NTN1: variants seen among roughly 807,000 people sequenced by gnomAD.
NTN1 encodes the protein netrin 1, also known as netrin-1.
A neutral mutation model predicts 54.2 loss-of-function variants in NTN1; 11 were observed. The ratio of observed to expected loss-of-function variants is 0.20; its 90% CI spans 0.13 to 0.34. The LOEUF is 0.34. NTN1 is among the 10% of genes least tolerant of loss of function. The pLI is 1.00. For missense variants in NTN1, 740 were observed against 893.1 expected (o/e 0.83, Z 2.18); for synonymous variants, 371 against 382.0 (o/e 0.97, Z 0.33).
chr17:9,011,103 T>C, the NTN1 span, among the ~76,000 whole-genome samples: 1 of 152,182 alleles, frequency 6.6e-6, no homozygotes, highest in Non-Finnish European at 1.5e-5. Flanking sequence ...TGTGAGAATC[T>C]AACGCAGCTG....
In NTN1 at chr17:9,240,730, TCTGCCC is replaced by T. The variant is rs3031879; in HGVS notation, c.*781_*786del. 28,033 of 153,514 alleles carry T rather than the reference TCTGCCC, an allele frequency of 0.18. 4,044 individuals carry two copies. The highest frequency in any genetic ancestry group is 0.5 in the East Asian group (2,543 of 5,100). The allele number at this position is 153,514 out of a possible 1,614,324, so 9.5% of individuals were successfully genotyped here. A position where few individuals can be genotyped will look rare whatever the true frequency, so the allele number is the denominator to read the frequency against. On this transcript the variant is annotated 3_prime_UTR_variant, in exon 7 of 7. Transcript: ENST00000173229. ...GAGGAAGCCCCTGCTGCTGCCTGTC[TCTGCCC>T]CTGCCCCTGCCCCTGCCCAGCGTGG...
chr17:9,121,406 C>T (rs901894673), intron 2 of NTN1, among the ~76,000 whole-genome samples: 1 of 152,086 alleles, frequency 6.6e-6, no homozygotes, highest in African/African-American at 2.4e-5. Context: ...TCTCCTCCCC[C>T]ATCTTCTCTG....
upstream of NTN1, among the ~76,000 whole-genome samples, chr17:9,017,561 C>T (rs574497880): frequency 3.3e-5 from 5 of 152,322 alleles, no homozygotes; most frequent in East Asian, 7.7e-4. Flanking sequence ...TTGAAACTGC[C>T]GCATTCTCCC....
intron 2 of NTN1, among the ~76,000 whole-genome samples, chr17:9,125,877 T>G (rs1418128925): frequency 1.3e-5 from 2 of 152,256 alleles, no homozygotes; most frequent in Non-Finnish European, 2.9e-5. Flanking sequence ...CATCACTTAC[T>G]GTGCTGGGCT....
intron 5 of NTN1, among the ~76,000 whole-genome samples, chr17:9,203,070 G>GCCACC (rs1567737595): frequency 3.9e-5 from 6 of 152,028 alleles, no homozygotes; most frequent in Admixed American, 2.0e-4. Context: ...TACAGGCGCT[G>GCCACC]GCCACCAAGC....
intron 6 of NTN1, among the ~76,000 whole-genome samples, chr17:9,234,159 G>C (rs1056866627): frequency 1.3e-5 from 2 of 152,228 alleles, no homozygotes; most frequent in African/African-American, 4.8e-5. Flanking sequence ...TGCCCCTGTA[G>C]GCAGGGCGGC....
rs191135329 is a variant in NTN1 at position 9,041,649 on chromosome 17, A to G, written c.1018+18258A>G. ...AATGCTGCTATGAGCATTGGTTTACAGGTTTTTGTGTGGACATCTGCTTTC... is the reference window on the plus strand; with the variant it reads ...AATGCTGCTATGAGCATTGGTTTACGGGTTTTTGTGTGGACATCTGCTTTC... On this transcript the variant is annotated intron_variant, in intron 2 of 6. Transcript: ENST00000173229. 2.2e-3 allele frequency among the ~76,000 whole-genome samples: 340 copies of G among 152,234 alleles called. 3 individuals carry two copies. Among genetic ancestry groups the G allele is most frequent in the African/African-American group, 7.7e-3 (319 of 41,528 alleles).
At chr17:9,186,979 T>C (rs1461794969) in intron 5 of NTN1, among the ~76,000 whole-genome samples, 1 of 152,172 alleles carries the variant, frequency 6.6e-6, no homozygotes, top group Admixed American at 6.5e-5. Flanking sequence ...TGAGGGCTAC[T>C]TGATCCCTCT....
At chr17:9,177,274 A>G (rs2092402616) in intron 3 of NTN1, 1 of 152,308 alleles carries the variant, frequency 6.6e-6, no homozygotes, top group South Asian at 2.1e-4. Context: ...TCACTCCGCC[A>G]GACCTCAGCT....
chr17:9,063,532 G>A (rs2092005453), intron 2 of NTN1, among the ~76,000 whole-genome samples: 1 of 151,898 alleles, frequency 6.6e-6, no homozygotes, highest in African/African-American at 2.4e-5. Flanking sequence ...AGAGGTAAGT[G>A]CAGGTGGTTA....
At chr17:9,232,565 T>C (rs898216683) in intron 6 of NTN1, among the ~76,000 whole-genome samples, 1 of 152,152 alleles carries the variant, frequency 6.6e-6, no homozygotes, top group African/African-American at 2.4e-5. Flanking sequence ...CAGCCAGCTC[T>C]ACGTTGGGTG....
At chr17:9,173,609 G>C (rs1475464372) in intron 3 of NTN1, 1 of 152,302 alleles carries the variant, frequency 6.6e-6, no homozygotes, top group African/African-American at 2.4e-5. Flanking sequence ...TTTGTGGATG[G>C]CGTCCACCTA....
intron 2 of NTN1, among the ~76,000 whole-genome samples, chr17:9,105,372 T>A (rs140188148): frequency 3.3e-5 from 5 of 152,264 alleles, no homozygotes; most frequent in Admixed American, 3.3e-4. Context: ...ATCTGGAGCC[T>A]GGTGTGTGTG....
At chr17:9,082,770 C>T (rs539766130) in intron 2 of NTN1, among the ~76,000 whole-genome samples, 6 of 148,776 alleles carry the variant, frequency 4.0e-5, no homozygotes, top group African/African-American at 1.3e-4. Context: ...TCTTGATTGG[C>T]TAAGATGATG....
chr17:9,110,763 C>T (rs1276344938), intron 2 of NTN1, among the ~76,000 whole-genome samples: 1 of 152,190 alleles, frequency 6.6e-6, no homozygotes, highest in African/African-American at 2.4e-5. Context: ...ACATGCCTGT[C>T]TCCCAGTTTC....
intron 2 of NTN1, among the ~76,000 whole-genome samples, chr17:9,118,589 A>C (rs2092222216): frequency 6.6e-6 from 1 of 152,166 alleles, no homozygotes; most frequent in Admixed American, 6.5e-5. Context: ...ACCATAATAG[A>C]TTTTAGGACC....
Position 9,022,879 on chromosome 17 carries a change from G to A in NTN1, c.506G>A (p.Arg169His), listed in dbSNP as rs766128293. Residue 169 changes from arginine (R) to histidine (H), a missense_variant, in exon 2 of 7, where the codon CGC becomes CAC. By Grantham distance (29) the Arg-to-His change is conservative (BLOSUM62 0). Coordinates refer to ENST00000173229, the MANE Select transcript of NTN1 (RefSeq NM_004822.3). ...MAIYKSMDYG[R>H]TWVPFQFYST... ...ATCTACAAGTCCATGGACTACGGGC[G>A]CACGTGGGTGCCCTTCCAGTTCTAC... is the stretch of plus-strand genomic sequence containing the variant. 6.2e-7 allele frequency: 1 copy of A among 1,612,096 alleles called. No individual in the cohort carries two copies. The highest frequency in any genetic ancestry group is 1.1e-5 in the South Asian group (1 of 91,000).
chr17:9,223,973 C>T (rs67359280), intron 6 of NTN1, among the ~76,000 whole-genome samples: 31,626 of 152,080 alleles, frequency 0.21, 3,530 homozygotes, highest in Non-Finnish European at 0.24. Context: ...GTTTTAGTCT[C>T]GAAGAACTCT....
intron 2 of NTN1, among the ~76,000 whole-genome samples, chr17:9,043,391 C>A (rs2091929255): frequency 6.6e-6 from 1 of 152,068 alleles, no homozygotes; most frequent in Non-Finnish European, 1.5e-5. Flanking sequence ...AAATTATTCC[C>A]ATTTTACATA....
Sources: gnomAD v4.1 joint callset for allele counts (sites outside exome capture counted in the v4.1 genomes callset) on GRCh38, gnomAD v4.1.1 for gene constraint, MANE v1.5 for transcripts, NCBI Gene and HGNC (gene_info 2026-07-23, HGNC 2026-07-21) for gene names.